CTSB: variants seen among roughly 807,000 people sequenced by gnomAD.
CTSB encodes the protein APP secretase.
A neutral mutation model predicts 44.3 loss-of-function variants in CTSB; 57 were observed. The ratio of observed to expected loss-of-function variants is 1.29; its 90% CI spans 1.04 to 1.60. The LOEUF is 1.60. Among genes scored for constraint, CTSB ranks in the 40% most tolerant of loss-of-function variants. The pLI is 0.00. For synonymous variants in CTSB, 320 were observed against 168.0 expected (o/e 1.91, Z -7.00); for missense variants, 768 against 443.0 (o/e 1.73, Z -6.59).
chr8:11,849,317 A>G (rs914271968), intron 4 of CTSB, 153 bp from the exon 5 acceptor site: 1 of 548,256 alleles, frequency 1.8e-6, no homozygotes, highest in South Asian at 2.0e-5. Context: ...CTCAGCTTTT[A>G]TTTTCTTTGG....
At chr8:11,858,445 C>A (rs1025517129) in intron 1 of CTSB, among the ~76,000 whole-genome samples, 1 of 152,116 alleles carries the variant, frequency 6.6e-6, no homozygotes, top group African/African-American at 2.4e-5. Flanking sequence ...CAGGCATACA[C>A]CACTACGCCC....
intron 5 of CTSB, chr8:11,848,510 G>A: frequency 5.2e-6 from 2 of 385,022 alleles, no homozygotes; most frequent in Non-Finnish European, 1.0e-5. Context: ...CCAGTTCTCT[G>A]AAATGAGAAT....
At chr8:11,850,431 A>G (rs1814350400) in intron 4 of CTSB, among the ~76,000 whole-genome samples, 6 of 148,094 alleles carry the variant, frequency 4.1e-5, no homozygotes, top group Admixed American at 3.4e-4. Context: ...AAAAAAAAAA[A>G]AAAAAAAAAA....
intron 1 of CTSB, chr8:11,862,304 T>A (rs982433294): frequency 1.3e-5 from 2 of 151,910 alleles, no homozygotes; most frequent in African/African-American, 4.8e-5. Context: ...CTCGCAAGGC[T>A]GATGGAAGAT....
At chr8:11,848,354 C>T (rs760530612) in intron 5 of CTSB, 1 of 680,670 alleles carries the variant, frequency 1.5e-6, no homozygotes. Context: ...CCGCCAGCCC[C>T]ACCCCTGCCC....
chr8:11,855,976 C>G (rs563449814), intron 1 of CTSB, among the ~76,000 whole-genome samples: 4 of 152,120 alleles, frequency 2.6e-5, no homozygotes, highest in African/African-American at 7.2e-5. Context: ...TGCAGTGAGC[C>G]AAGATTTCAC....
chr8:11,849,375 G>C (rs1814110823), intron 4 of CTSB: 2 of 389,916 alleles, frequency 5.1e-6, no homozygotes, highest in Non-Finnish European at 4.9e-6. Context: ...TGAACTCCCG[G>C]GTTCAAGTGA....
chr8:11,846,568 C>T (rs996659182), intron 8 of CTSB, among the ~76,000 whole-genome samples: 1 of 152,200 alleles, frequency 6.6e-6, no homozygotes. Context: ...CTACCCAGGG[C>T]AAGGTCCTCC....
chr8:11,851,831 A>G (rs896813311), intron 3 of CTSB, among the ~76,000 whole-genome samples: 5 of 151,768 alleles, frequency 3.3e-5, no homozygotes, highest in African/African-American at 1.2e-4. Context: ...CACGCCTGGC[A>G]AAGTTTTTTA....
intron 1 of CTSB, among the ~76,000 whole-genome samples, chr8:11,862,685 C>T (rs1477730403): frequency 6.6e-6 from 1 of 152,242 alleles, no homozygotes; most frequent in Non-Finnish European, 1.5e-5. Flanking sequence ...AAGCCTGTGG[C>T]TGGCACCGCC....
intron 1 of CTSB, among the ~76,000 whole-genome samples, chr8:11,857,441 C>G (rs1010502914): frequency 6.6e-6 from 1 of 152,178 alleles, no homozygotes; most frequent in African/African-American, 2.4e-5. Context: ...GTCTCGTGGG[C>G]AGACAGCAGT....
At chr8:11,850,159 G>C (rs550384682) in intron 4 of CTSB, 105 of 152,292 alleles carry the variant, frequency 6.9e-4, no homozygotes, top group African/African-American at 2.5e-3. Flanking sequence ...GGTGGCTCAC[G>C]CCTGTAATCC....
chr8:11,858,249 C>T (rs114107564), intron 1 of CTSB, among the ~76,000 whole-genome samples: 2,115 of 152,332 alleles, frequency 0.014, 56 homozygotes, highest in African/African-American at 0.048. Context: ...TAAACCTATT[C>T]CAATAGGTCC....
chr8:11,863,266 C>A (rs182837785), intron 1 of CTSB, among the ~76,000 whole-genome samples: 2 of 152,182 alleles, frequency 1.3e-5, no homozygotes, highest in Admixed American at 1.3e-4. Context: ...CAACACCAGC[C>A]CGACAAACAT....
intron 6 of CTSB, 106 bp from the exon 7 acceptor site, chr8:11,847,928 C>T (rs1258178007): frequency 4.2e-6 from 6 of 1,425,740 alleles, no homozygotes; most frequent in Non-Finnish European, 5.7e-6. Context: ...CAGGTCCTGC[C>T]AGAGGCCTGT....
Position 11,842,958 on chromosome 8 carries a change from T to TAA in CTSB, c.*2166_*2167insTT, listed in dbSNP as rs1812524570. On this transcript the variant is annotated 3_prime_UTR_variant, in exon 10 of 10. Transcript: ENST00000353047. The stretch of plus-strand genomic sequence containing the variant: ...GGCCTTTTTTTTTTTTTTTTTTTTT[T>TAA]TAATTATTGAGACGGAGCCTTGCGC... 4.2e-4 allele frequency: 28 copies of TAA among 65,944 alleles called. No individual in the cohort carries two copies. Among genetic ancestry groups the TAA allele is most frequent in the Non-Finnish European group, 7.8e-4 (22 of 28,224 alleles). 4.1% of individuals were successfully genotyped at this position (65,944 alleles called of 1,614,324 possible).
Position 11,858,658 on chromosome 8 carries a change from C to G in CTSB, c.-25-5179G>C, listed in dbSNP as rs114646075. 4.6e-3 allele frequency among the ~76,000 whole-genome samples: 694 copies of G among 152,236 alleles called. 4 individuals carry two copies. Among genetic ancestry groups the G allele is most frequent in the African/African-American group, 0.016 (661 of 41,544 alleles). On this transcript the variant is annotated intron_variant, in intron 1 of 9. Coordinates refer to ENST00000353047, the MANE Select transcript of CTSB (RefSeq NM_001908.5). The stretch of plus-strand genomic sequence containing the variant: ...AAAATGCTTCCACTCTTGAGGGTCC[C>G]GAGACTGCTGAGAACTCAAAAAGTG...
At chr8:11,845,281 A>T in intron 9 of CTSB, 59 bp from the exon 10 acceptor site, 1 of 1,323,758 alleles carries the variant, frequency 7.6e-7, no homozygotes, top group Non-Finnish European at 1.1e-6. Context: ...ATATAGTCAG[A>T]CTCATCCTTA....
At chr8:11,854,120 C>G (rs1389175726) in intron 1 of CTSB, among the ~76,000 whole-genome samples, 3 of 152,220 alleles carry the variant, frequency 2.0e-5, no homozygotes, top group African/African-American at 7.2e-5. Flanking sequence ...TGCACTGGCT[C>G]ATGAGTCACA....
Sources: allele counts gnomAD v4.1 joint callset (sites outside exome capture counted in the v4.1 genomes callset), GRCh38; gene constraint gnomAD v4.1.1; transcripts MANE v1.5; gene names NCBI Gene and HGNC (gene_info 2026-07-23, HGNC 2026-07-21).